LARP4B: variants seen among roughly 807,000 people sequenced by gnomAD.
LARP4B encodes the protein la-related protein 4B.
LARP4B carries 12 observed loss-of-function variants against 89.8 expected under a neutral mutation model. The observed-to-expected ratio is 0.13, with a 90% CI of 0.09 to 0.22. The LOEUF (loss-of-function observed/expected upper bound fraction) is 0.22. Ranked by LOEUF, LARP4B falls within the 10% of genes least tolerant of loss-of-function variation. The probability of loss-of-function intolerance (pLI) is 1.00; values close to 1 mark genes in which losing one functional copy is unlikely to be tolerated. For synonymous variants in LARP4B, 367 were observed against 363.3 expected (o/e 1.01, Z -0.12); for missense variants, 757 against 947.7 (o/e 0.80, Z 2.64).
chr10:871,297 G>A (rs2131877999), intron 3 of LARP4B, among the ~76,000 whole-genome samples: 1 of 152,302 alleles, frequency 6.6e-6, no homozygotes, highest in African/African-American at 2.4e-5. Context: ...AGGAAACACA[G>A]TTACTGTGAA....
At chr10:847,728 A>G (rs1428295320) in intron 5 of LARP4B, among the ~76,000 whole-genome samples, 1 of 152,036 alleles carries the variant, frequency 6.6e-6, no homozygotes, top group Non-Finnish European at 1.5e-5. Context: ...ACAGGGTTTC[A>G]CCATGTTGGT....
intron 3 of LARP4B, among the ~76,000 whole-genome samples, chr10:867,733 C>A (rs1419341350): frequency 6.6e-6 from 1 of 151,804 alleles, no homozygotes; most frequent in African/African-American, 2.4e-5. Context: ...TGGTGGCACA[C>A]ACCTGTAATC....
At chr10:986,628 A>G in the LARP4B span, 2 of 152,236 alleles carry the variant, frequency 1.3e-5, no homozygotes, top group African/African-American at 4.8e-5. Flanking sequence ...ATGGTTGTGC[A>G]TTCACAGACA....
chr10:838,557 T>A (rs1833348858), intron 7 of LARP4B, among the ~76,000 whole-genome samples: 1 of 152,112 alleles, frequency 6.6e-6, no homozygotes, highest in Non-Finnish European at 1.5e-5. Context: ...AAGACATCAA[T>A]GAGATGTCAC....
the LARP4B span, among the ~76,000 whole-genome samples, chr10:949,606 C>T: frequency 2.0e-5 from 3 of 152,262 alleles, no homozygotes; most frequent in Admixed American, 6.5e-5. Context: ...ACCCACGTGC[C>T]GCTGCATCAC....
the LARP4B span, among the ~76,000 whole-genome samples, chr10:958,622 CTTCT>C: frequency 1.3e-5 from 2 of 152,232 alleles, no homozygotes; most frequent in Non-Finnish European, 2.9e-5. Context: ...CATAAACATC[CTTCT>C]TTGTTAGCAC....
chr10:824,940 T>G, intron 13 of LARP4B, 125 bp downstream of exon 13: 1 of 995,040 alleles, frequency 1.0e-6, no homozygotes, highest in Non-Finnish European at 1.4e-6. Flanking sequence ...ATAAAACCCT[T>G]ATGTTTATAG....
chr10:837,560 C>T (rs545741393), intron 7 of LARP4B, among the ~76,000 whole-genome samples: 28 of 152,306 alleles, frequency 1.8e-4, no homozygotes, highest in African/African-American at 5.3e-4. Flanking sequence ...CTCACTATAA[C>T]GTTACAGTGA....
chr10:906,206 G>A (rs1480417131), intron 1 of LARP4B, among the ~76,000 whole-genome samples: 1 of 152,154 alleles, frequency 6.6e-6, no homozygotes, highest in Non-Finnish European at 1.5e-5. Flanking sequence ...AAAACCCTCT[G>A]AATAGTACAA....
chr10:851,926 C>A (rs547190476), intron 5 of LARP4B, among the ~76,000 whole-genome samples: 1 of 151,906 alleles, frequency 6.6e-6, no homozygotes, highest in Non-Finnish European at 1.5e-5. Context: ...ATAAGCCAGG[C>A]GTGGTGGTGT....
Position 864,124 on chromosome 10 carries a change from C to A in LARP4B, c.288G>T (p.Gln96His). ...VAGHHADRGP[Q>H]GSDANGDGDQ... ...ACACCACGGCCATGCTCAACTTACC[C>A]TGCGGGCCACGGTCTGCGTGGTGGC... is the stretch of plus-strand genomic sequence containing the variant. Residue 96 changes from glutamine to histidine, a missense_variant and splice_region_variant, in exon 4 of 18, where the codon CAG (glutamine) becomes CAT (histidine). Around this residue, in one of 5 missense-constraint regions of LARP4B, gnomAD observed 175 missense variants for 187.0 expected, o/e 0.94. Transcript: ENST00000316157. 2 of 1,614,210 alleles carry A rather than the reference C, an allele frequency of 1.2e-6. No individual in the cohort carries two copies. Among genetic ancestry groups the A allele is most frequent in the Non-Finnish European group, 1.7e-6 (2 of 1,180,016 alleles).
intron 1 of LARP4B, among the ~76,000 whole-genome samples, chr10:918,930 A>T (rs1241929851): frequency 6.6e-6 from 1 of 151,706 alleles, no homozygotes; most frequent in African/African-American, 2.4e-5. Context: ...AATACAAAAA[A>T]ATTAGCTGGG....
chr10:900,009 G>GA (rs906640150), intron 1 of LARP4B, among the ~76,000 whole-genome samples: 201 of 140,096 alleles, frequency 1.4e-3, no homozygotes, highest in Middle Eastern at 3.6e-3. Context: ...AAATTGATCA[G>GA]AAAAAAAAAA....
chr10:976,693 C>T, the LARP4B span, among the ~76,000 whole-genome samples: 1 of 146,390 alleles, frequency 6.8e-6, no homozygotes, highest in African/African-American at 2.8e-5. Context: ...GTGGCCCGGC[C>T]TAGTAGAAGG....
chr10:910,586 G>A (rs1027581326), intron 1 of LARP4B, among the ~76,000 whole-genome samples: 13 of 152,200 alleles, frequency 8.5e-5, no homozygotes, highest in African/African-American at 3.1e-4. Context: ...CTTTAAGAGT[G>A]AGGGCTTTGC....
the LARP4B span, among the ~76,000 whole-genome samples, chr10:968,863 C>T: frequency 6.6e-6 from 1 of 152,228 alleles, no homozygotes. Context: ...GCAGTTCTAT[C>T]TAACTGCAAA....
chr10:903,439 T>G (rs535184694), intron 1 of LARP4B: 1 of 152,368 alleles, frequency 6.6e-6, no homozygotes, highest in Non-Finnish European at 1.5e-5. Context: ...CTGCACGGCT[T>G]TAATTCCATT....
chr10:974,430 C>G, the LARP4B span, among the ~76,000 whole-genome samples: 1 of 152,200 alleles, frequency 6.6e-6, no homozygotes, highest in South Asian at 2.1e-4. Flanking sequence ...CTGAGTGTTT[C>G]TCAGAGAGGC....
At chr10:830,796 G>C (rs1295236313) in intron 9 of LARP4B, 71 bp downstream of exon 9, 1 of 709,314 alleles carries the variant, frequency 1.4e-6, no homozygotes, top group Non-Finnish European at 2.5e-6. Flanking sequence ...CCCAAGTTTA[G>C]TCCCAACATG....
Sources: gnomAD v4.1 joint callset for allele counts (sites outside exome capture counted in the v4.1 genomes callset) on GRCh38, gnomAD v4.1.1 for gene constraint, gnomAD v4.1.1 regional missense constraint, MANE v1.5 for transcripts, NCBI Gene and HGNC (gene_info 2026-07-23, HGNC 2026-07-21) for gene names.